The following ZC3H4 variants were observed in gnomAD, a reference collection of about 807,000 sequenced individuals.
The protein encoded by ZC3H4 is zinc finger CCCH-type containing 4.
In ZC3H4, 13 loss-of-function variants were observed where a neutral mutation model predicts 108.3. The observed-to-expected ratio is 0.12, with a 90% CI of 0.08 to 0.19. ZC3H4 has a LOEUF of 0.19. Among genes scored for constraint, ZC3H4 ranks in the 10% least tolerant of loss-of-function variants. The pLI is 1.00. For synonymous variants in ZC3H4, 917 were observed against 749.6 expected (o/e 1.22, Z -3.65); for missense variants, 1,734 against 1,838.8 (o/e 0.94, Z 1.04).
chr19:47,106,317 T>C (rs2057967693), intron 2 of ZC3H4, among the ~76,000 whole-genome samples: 1 of 152,148 alleles, frequency 6.6e-6, no homozygotes, highest in Non-Finnish European at 1.5e-5. Context: ...CATGGTGGCT[T>C]ATACCTGTAA....
chr19:47,084,613 A>G (rs1341731054), intron 8 of ZC3H4, among the ~76,000 whole-genome samples, 158 bp from the exon 9 acceptor site: 1 of 152,198 alleles, frequency 6.6e-6, no homozygotes, highest in African/African-American at 2.4e-5. Flanking sequence ...GGCTGCGTGC[A>G]CCTTATAAGC....
intron 13 of ZC3H4, among the ~76,000 whole-genome samples, chr19:47,069,876 G>C (rs1419700826): frequency 6.6e-6 from 1 of 152,194 alleles, no homozygotes; most frequent in Non-Finnish European, 1.5e-5. Context: ...AGCAGTTCCA[G>C]AGTGCCTCCC....
chr19:47,082,142 T>A, intron 10 of ZC3H4, 42 bp downstream of exon 10: 1 of 1,523,316 alleles, frequency 6.6e-7, no homozygotes, highest in South Asian at 1.1e-5. Flanking sequence ...GCAGAGAAGT[T>A]CTGCGCCCTC....
chr19:47,088,483 G>A (rs1016196509), intron 5 of ZC3H4, among the ~76,000 whole-genome samples: 7 of 151,996 alleles, frequency 4.6e-5, no homozygotes, highest in African/African-American at 1.2e-4. Context: ...TGGAGGCAGA[G>A]GTTGCAGTGA....
At chr19:47,084,926 A>C (rs2057589181) in intron 8 of ZC3H4, 130 bp downstream of exon 8, 11 of 1,254,688 alleles carry the variant, frequency 8.8e-6, no homozygotes, top group South Asian at 2.7e-5. Context: ...TATGCTGGTC[A>C]ACACTGGCCA....
At chr19:47,112,050 GC>G in intron 2 of ZC3H4, 1 of 893,576 alleles carries the variant, frequency 1.1e-6, no homozygotes, top group African/African-American at 1.8e-5. Context: ...GGGCGCAGGG[GC>G]AGCCAGGACC....
At chr19:47,089,711 C>CT (rs1555782818) in intron 5 of ZC3H4, among the ~76,000 whole-genome samples, 2 of 152,034 alleles carry the variant, frequency 1.3e-5, no homozygotes, top group Non-Finnish European at 2.9e-5. Context: ...CTTCTCCCCC[C>CT]ACAGCTGACC....
At position 47,067,099 on chromosome 19, in the gene ZC3H4, C is replaced by T. The variant is rs779137490; in HGVS notation, c.3169G>A (p.Gly1057Ser). 83 of 1,611,416 alleles carry T rather than the reference C, an allele frequency of 5.2e-5. 1 individual carries two copies. Among genetic ancestry groups the T allele is most frequent in the East Asian group, 4.0e-4 (18 of 44,842 alleles). ...SRILKTVNAT[G>S]SSAAPGSSDK... is the part of the protein sequence containing the mutation. ...CTGGAACCGGGGGCGGCCGAGGAGC[C>T]GGTGGCATTGACTGTCTTGAGGATG... Residue 1057 changes from glycine (G) to serine (S), a missense_variant, in exon 15 of 15, where the codon GGC (glycine) becomes AGC (serine). By Grantham distance (56) the Gly-to-Ser change is moderately conservative. This residue lies in a region of ZC3H4 where 518 missense variants were observed against 499.6 expected (regional missense o/e 1.04). Transcript: ENST00000253048. The surrounding 1 kb of genome is among the most constrained non-coding windows in gnomAD (Gnocchi z 6.4).
At position 47,072,072 on chromosome 19, in the gene ZC3H4, T is replaced by C. The variant is rs1390872241; in HGVS notation, c.1852A>G (p.Met618Val). Reference protein sequence around the residue: ...PPGPMGPGPNMGPPGPMGGPM... With the variant: ...PPGPMGPGPNVGPPGPMGGPM... ...CCGCCCATTGGCCCTGGGGGTCCCA[T>C]GTTGGGCCCAGGGCCCATTGGCCCT... Residue 618 changes from methionine to valine, a missense_variant, in exon 13 of 15, where the codon ATG becomes GTG. By Grantham distance (21) the Met-to-Val change is conservative. Around this residue, in one of 9 missense-constraint regions of ZC3H4, gnomAD observed 540 missense variants for 484.1 expected, o/e 1.12. Transcript: ENST00000253048. The surrounding 1 kb of genome is among the most constrained non-coding windows in gnomAD (Gnocchi z 5.6). 15 of 1,577,790 alleles carry C rather than the reference T, an allele frequency of 9.5e-6. No individual in the cohort carries two copies. Among genetic ancestry groups the C allele is most frequent in the East Asian group, 4.6e-5 (2 of 43,120 alleles).
rs750234419 is a variant in ZC3H4 at position 47,085,167 on chromosome 19, G to A, written c.996C>T (p.Ser332=). ...RGLSRGRGRG[S]RGRGKGMGRG... ...GACCCATTCCTTTCCCTCGACCTCG[G>A]GAGCCCCTGCCACGGCCTCGACTTA... Residue 332 remains serine, a synonymous_variant, in exon 8 of 15, where the codon TCC becomes TCT. Transcript: ENST00000253048. The A allele has an allele frequency of 6.2e-6, 10 of 1,612,940 alleles. No homozygotes were observed. In the Admixed American group the frequency reaches 8.3e-5, roughly 13 times the overall value.
In ZC3H4 at chr19:47,072,821, C is replaced by T; in HGVS notation, c.1441-108G>A. Reference sequence around the variant, plus strand: ...TGAGGAAAAGTCCATAATACAAGGACCTTGAGATCTAAAGGCATAAAGACC... The same window carrying T: ...TGAGGAAAAGTCCATAATACAAGGATCTTGAGATCTAAAGGCATAAAGACC... On this transcript the variant is annotated intron_variant, in intron 11 of 14. Coordinates refer to ENST00000253048, the MANE Select transcript of ZC3H4 (RefSeq NM_015168.2). This position sits in a 1 kb window ranked among gnomAD's most constrained non-coding sequence, Gnocchi z 5.6. 7.6e-6 allele frequency: 10 copies of T among 1,314,558 alleles called. No homozygotes were observed. The highest frequency in any genetic ancestry group is 1.0e-5 in the Non-Finnish European group (10 of 962,310). The allele number at this position is 1,314,558 out of a possible 1,614,324, so 81.4% of individuals were successfully genotyped here. A position where few individuals can be genotyped will look rare whatever the true frequency, so the allele number is the denominator to read the frequency against.
intron 2 of ZC3H4, among the ~76,000 whole-genome samples, 170 bp from the exon 3 acceptor site, chr19:47,094,778 C>G (rs557892749): frequency 2.0e-5 from 3 of 152,318 alleles, no homozygotes; most frequent in African/African-American, 7.2e-5. Flanking sequence ...TATCCTCCCC[C>G]TGAAAGAACT....
At chr19:47,085,861 A>G (rs1224829639) in intron 6 of ZC3H4, among the ~76,000 whole-genome samples, 2 of 151,996 alleles carry the variant, frequency 1.3e-5, no homozygotes, top group East Asian at 3.9e-4. Flanking sequence ...ATCCTGTGAT[A>G]CTTCTTCTTT....
Position 47,067,939 on chromosome 19 carries a change from G to A in ZC3H4, c.2399-70C>T. The A allele has an allele frequency of 7.0e-7, 1 of 1,428,594 alleles. No individual in the cohort carries two copies. Among genetic ancestry groups the A allele is most frequent in the Non-Finnish European group, 9.5e-7 (1 of 1,051,854 alleles). 88.5% of individuals were successfully genotyped at this position (1,428,594 alleles called of 1,614,324 possible). On this transcript the variant is annotated intron_variant, in intron 14 of 14. Coordinates refer to ENST00000253048, the MANE Select transcript of ZC3H4 (RefSeq NM_015168.2). The surrounding 1 kb of genome is among the most constrained non-coding windows in gnomAD (Gnocchi z 6.4). The stretch of plus-strand genomic sequence containing the variant: ...ACCACCCGCCCTCTTGGATCCCACA[G>A]CAGCCCACCGTGAGCAGCTCCTTTG...
chr19:47,087,440 A>AC (rs2057651169), intron 5 of ZC3H4, among the ~76,000 whole-genome samples: 1 of 151,794 alleles, frequency 6.6e-6, no homozygotes, highest in Non-Finnish European at 1.5e-5. Context: ...CTTCACTTAA[A>AC]AAAAAAAAGA....
rs553407289 is a variant in ZC3H4 at position 47,078,529 on chromosome 19, C to T, written c.1440+2984G>A. Among the ~76,000 whole-genome samples, 4 of 151,364 alleles carry T rather than the reference C, an allele frequency of 2.6e-5. No individual in the cohort carries two copies. The East Asian group carries it at 7.8e-4, about 30-fold the overall frequency. On this transcript the variant is annotated intron_variant, in intron 11 of 14. Coordinates refer to ENST00000253048, the MANE Select transcript of ZC3H4 (RefSeq NM_015168.2). ...CAGGCGCATTGGTGCACACCTGTAA[C>T]CCCAGCACTTTGGGAGGCCGGGGCG...
intron 2 of ZC3H4, among the ~76,000 whole-genome samples, chr19:47,098,794 C>A (rs189093405): frequency 6.6e-6 from 1 of 152,302 alleles, no homozygotes; most frequent in East Asian, 1.9e-4. Flanking sequence ...AAAGATATTT[C>A]ATGTCCAAAG....
rs3810291 is a variant in ZC3H4 at position 47,065,746 on chromosome 19, G to A, written c.*610C>T. On this transcript the variant is annotated 3_prime_UTR_variant, in exon 15 of 15. Transcript: ENST00000253048. Reference sequence around the variant, plus strand: ...AATCCAGGGACAGGAGCAGGCATGCGCCAGGGAGCCCCCATAGTGCCGCTG... The same window carrying A: ...AATCCAGGGACAGGAGCAGGCATGCACCAGGGAGCCCCCATAGTGCCGCTG... The A allele has an allele frequency of 0.5, 76,237 of 152,596 alleles. 22,476 individuals carry two copies. Among genetic ancestry groups the A allele is most frequent in the Non-Finnish European group, 0.68 (46,055 of 68,194 alleles). The allele number at this position is 152,596 out of a possible 1,614,324, so 9.5% of individuals were successfully genotyped here.
chr19:47,085,474 CCACCTACA>C (rs2057603388), intron 6 of ZC3H4, 60 bp from the exon 7 acceptor site: 2 of 1,406,034 alleles, frequency 1.4e-6, no homozygotes, highest in Non-Finnish European at 1.9e-6. Flanking sequence ...AACACTGTCC[CCACCTACA>C]CACTGCTCCT....
Sources: allele counts gnomAD v4.1 joint callset (sites outside exome capture counted in the v4.1 genomes callset), GRCh38; gene constraint gnomAD v4.1.1; regional missense constraint gnomAD v4.1.1; non-coding constraint Gnocchi (gnomAD v3.1); transcripts MANE v1.5; gene names NCBI Gene and HGNC (gene_info 2026-07-23, HGNC 2026-07-21).